CTNNA3: variants seen among roughly 807,000 people sequenced by gnomAD.
CTNNA3 encodes catenin alpha-3.
Under a neutral mutation model 95.7 loss-of-function variants are expected in CTNNA3, and 76 were observed. That is an observed-to-expected ratio of 0.79 (90% CI 0.66 to 0.96). The LOEUF (loss-of-function observed/expected upper bound fraction) is 0.96, where lower values mean the gene tolerates loss of function less well. Among genes scored for constraint, CTNNA3 ranks in the 40% least tolerant of loss-of-function variants. CTNNA3 has a pLI of 0.00. For missense variants in CTNNA3, 1,191 were observed against 1,089.8 expected, an observed-to-expected ratio of 1.09 and a Z score of -1.31; for synonymous variants, 431 against 374.4, an observed-to-expected ratio of 1.15 and a Z score of -1.74.
At chr10:65,979,354 G>A (rs1274483070) in intron 16 of CTNNA3, among the ~76,000 whole-genome samples, 1 of 152,086 alleles carries the variant, frequency 6.6e-6, no homozygotes, top group Non-Finnish European at 1.5e-5. Flanking sequence ...ATTCTCAGAA[G>A]AAATGAGTGT....
At chr10:67,679,524 G>C (rs1392291566) in intron 1 of CTNNA3, among the ~76,000 whole-genome samples, 2 of 152,124 alleles carry the variant, frequency 1.3e-5, no homozygotes, top group East Asian at 3.8e-4. Context: ...AATTTAAAAA[G>C]TAAAACCAAA....
chr10:66,443,332 G>A (rs1434313261), intron 11 of CTNNA3, among the ~76,000 whole-genome samples: 2 of 152,182 alleles, frequency 1.3e-5, no homozygotes, highest in East Asian at 3.9e-4. Context: ...CACGCAGCTG[G>A]AGATCTGAGA....
intron 11 of CTNNA3, among the ~76,000 whole-genome samples, chr10:66,381,550 T>A (rs1564913456): frequency 6.6e-6 from 1 of 151,164 alleles, no homozygotes; most frequent in Non-Finnish European, 1.5e-5. Context: ...CTAACAAGAA[T>A]GCTTGTTGAA....
intron 5 of CTNNA3, among the ~76,000 whole-genome samples, chr10:67,263,410 G>A (rs986390945): frequency 2.6e-5 from 4 of 152,116 alleles, no homozygotes; most frequent in African/African-American, 7.2e-5. Flanking sequence ...CTACAAATGC[G>A]TTGATTTGTG....
chr10:67,252,684 T>C (rs920443266), intron 5 of CTNNA3, among the ~76,000 whole-genome samples: 1 of 152,210 alleles, frequency 6.6e-6, no homozygotes, highest in Non-Finnish European at 1.5e-5. Flanking sequence ...AGGCTACTAT[T>C]GCCGTGTATT....
At chr10:67,044,166 C>T (rs2133158133) in intron 7 of CTNNA3, among the ~76,000 whole-genome samples, 1 of 152,116 alleles carries the variant, frequency 6.6e-6, no homozygotes, top group South Asian at 2.1e-4. Flanking sequence ...CCATGGCTAG[C>T]TCTCACTTAT....
rs1028820255 is a variant in CTNNA3, at chr10:66,773,324, A to G, written c.1128+2120T>C. Among the ~76,000 whole-genome samples the G allele has an allele frequency of 2.6e-5, 4 of 152,182 alleles. No individual in the cohort carries two copies. The East Asian group carries it at 5.8e-4, about 22-fold the overall frequency. On this transcript the variant is annotated intron_variant, in intron 8 of 17. Transcript: ENST00000433211. Reference sequence around the variant, plus strand: ...TTTGACTGTTTTTTACTTACAGATTATAGAGGAAATAGCATTCTCTGACTT... The same window carrying G: ...TTTGACTGTTTTTTACTTACAGATTGTAGAGGAAATAGCATTCTCTGACTT...
intron 13 of CTNNA3, among the ~76,000 whole-genome samples, chr10:66,137,543 A>G (rs146431746): frequency 3.3e-5 from 5 of 152,332 alleles, no homozygotes; most frequent in Middle Eastern, 3.4e-3. Context: ...AAATTTGAAT[A>G]TGAACCATAT....
At chr10:67,464,381 ATC>A (rs1847500085) in intron 5 of CTNNA3, among the ~76,000 whole-genome samples, 1 of 152,290 alleles carries the variant, frequency 6.6e-6, no homozygotes, top group African/African-American at 2.4e-5. Flanking sequence ...GATCCCAATT[ATC>A]TTTCTTGTGA....
intron 5 of CTNNA3, among the ~76,000 whole-genome samples, chr10:67,394,863 T>C (rs1267605073): frequency 6.6e-6 from 1 of 152,040 alleles, no homozygotes; most frequent in Non-Finnish European, 1.5e-5. Flanking sequence ...AACTGACAAA[T>C]TGAAAAGCTA....
intron 5 of CTNNA3, among the ~76,000 whole-genome samples, chr10:67,487,381 T>A (rs1848485371): frequency 6.6e-6 from 1 of 152,196 alleles, no homozygotes; most frequent in African/African-American, 2.4e-5. Context: ...GAGACGCAGC[T>A]GGCCTTTACA....
chr10:67,601,440 G>C (rs1157112826), intron 3 of CTNNA3, among the ~76,000 whole-genome samples: 4 of 152,142 alleles, frequency 2.6e-5, no homozygotes, highest in Non-Finnish European at 4.4e-5. Context: ...TGATCTGTCA[G>C]GAGGTGGAGC....
intron 9 of CTNNA3, among the ~76,000 whole-genome samples, chr10:66,683,205 T>C (rs150047559): frequency 3.1e-4 from 47 of 152,288 alleles, no homozygotes; most frequent in African/African-American, 1.1e-3. Context: ...TTCAAACAAC[T>C]GTGTGTGGGA....
intron 17 of CTNNA3, among the ~76,000 whole-genome samples, chr10:65,940,974 A>G (rs1207181978): frequency 6.6e-6 from 1 of 152,208 alleles, no homozygotes; most frequent in Non-Finnish European, 1.5e-5. Context: ...CCATTATCAC[A>G]TTTAATCCTG....
intron 5 of CTNNA3, among the ~76,000 whole-genome samples, chr10:67,308,216 G>A (rs970293505): frequency 3.9e-5 from 6 of 152,108 alleles, no homozygotes; most frequent in African/African-American, 1.4e-4. Flanking sequence ...CATTGATATG[G>A]CTTAGCTGTG....
At chr10:67,712,570 T>G (rs1441868839) in intron 1 of CTNNA3, among the ~76,000 whole-genome samples, 2 of 152,230 alleles carry the variant, frequency 1.3e-5, no homozygotes, top group Non-Finnish European at 2.9e-5. Flanking sequence ...GGTCCGGCCA[T>G]GGCTTCAGAG....
At chr10:67,571,967 C>T (rs1841993700) in intron 3 of CTNNA3, among the ~76,000 whole-genome samples, 1 of 152,108 alleles carries the variant, frequency 6.6e-6, no homozygotes, top group Non-Finnish European at 1.5e-5. Flanking sequence ...CATCTAAATA[C>T]AGATCAAGTA....
chr10:67,375,798 T>C (rs759560830), intron 5 of CTNNA3, among the ~76,000 whole-genome samples: 2 of 152,134 alleles, frequency 1.3e-5, no homozygotes, highest in Non-Finnish European at 2.9e-5. Flanking sequence ...TAAATGGTAG[T>C]TTAATTTTCT....
chr10:65,929,289 T>C (rs1168837090), intron 17 of CTNNA3, among the ~76,000 whole-genome samples: 2 of 152,166 alleles, frequency 1.3e-5, no homozygotes, highest in African/African-American at 2.4e-5. Flanking sequence ...TGGACATTTA[T>C]TAAAAACTAA....
Sources: allele counts gnomAD v4.1 joint callset (sites outside exome capture counted in the v4.1 genomes callset), GRCh38; gene constraint gnomAD v4.1.1; transcripts MANE v1.5; gene names NCBI Gene and HGNC (gene_info 2026-07-23, HGNC 2026-07-21).